Variants in KEAP1 observed in about 807,000 individuals in gnomAD.
KEAP1 encodes kelch-like ECH-associated protein 1.
In KEAP1, 26 loss-of-function variants were observed where a neutral mutation model predicts 59.7. The ratio of observed to expected loss-of-function variants is 0.44; its 90% CI spans 0.32 to 0.60. KEAP1 has a LOEUF of 0.60. Ranked by LOEUF, KEAP1 falls within the 20% of genes least tolerant of loss-of-function variation. The probability of loss-of-function intolerance (pLI) is 0.06; values close to 1 mark genes in which losing one functional copy is unlikely to be tolerated. For missense variants in KEAP1, 539 were observed against 871.4 expected (o/e 0.62, Z 4.80); for synonymous variants, 350 against 358.3 (o/e 0.98, Z 0.26).
At chr19:10,488,612 A>AAAAACAAAACAAAAC (rs201214814) in intron 5 of KEAP1, among the ~76,000 whole-genome samples, 1 of 149,676 alleles carries the variant, frequency 6.7e-6, no homozygotes, top group Non-Finnish European at 1.5e-5. Flanking sequence ...CTCTGTCTCA[A>AAAAACAAAACAAAAC]AAAACAAAAC....
chr19:10,491,703 G>A lies in KEAP1; in HGVS notation c.1199C>T (p.Thr400Ile), dbSNP rs201045511. 117 of 1,572,062 alleles carry A rather than the reference G, an allele frequency of 7.4e-5. No homozygotes were observed. Among genetic ancestry groups the A allele is most frequent in the Non-Finnish European group, 9.7e-5 (112 of 1,159,708 alleles). ...GGGGGCGCAGGGCGACCACTGATTGGTCATGGGGTTGTAACAGTCCAGGGC... is the reference window on the plus strand; with the variant it reads ...GGGGGCGCAGGGCGACCACTGATTGATCATGGGGTTGTAACAGTCCAGGGC... ...SSALDCYNPM[T>I]NQWSPCAPMS... Residue 400 changes from threonine (T) to isoleucine (I), a missense_variant, in exon 3 of 6, where the codon ACC (threonine) becomes ATC (isoleucine). Physicochemically the swap from Thr to Ile is moderately conservative, Grantham distance 89 (BLOSUM62 -1). This residue lies in a region of KEAP1 where 311 missense variants were observed against 425.2 expected (regional missense o/e 0.73). Coordinates refer to ENST00000171111, the MANE Select transcript of KEAP1 (RefSeq NM_203500.2). This position sits in a 1 kb window ranked among gnomAD's most constrained non-coding sequence, Gnocchi z 5.2.
intron 5 of KEAP1, among the ~76,000 whole-genome samples, chr19:10,488,287 C>CA (rs1046904885): frequency 6.6e-6 from 1 of 150,808 alleles, no homozygotes; most frequent in Non-Finnish European, 1.5e-5. Flanking sequence ...AACTCTGTCT[C>CA]AAAAAAATAA....
intron 2 of KEAP1, among the ~76,000 whole-genome samples, chr19:10,498,629 C>T (rs1914936210): frequency 1.3e-5 from 2 of 152,170 alleles, no homozygotes; most frequent in Admixed American, 1.3e-4. Flanking sequence ...TTACAGCTTG[C>T]AGCCTGTCAC....
chr19:10,499,725 G>A lies in KEAP1; in HGVS notation c.309C>T (p.Ser103=), dbSNP rs1329520737. ...FMAHKVVLAS[S]SPVFKAMFTN... ...TGAACATGGCCTTGAAGACAGGGCT[G>A]GATGAGGCCAGCACCACCTTGTGGG... is the stretch of plus-strand genomic sequence containing the variant. The change falls in exon 2 of 6, where the codon TCC becomes TCT. Residue 103 remains serine (S), a synonymous_variant. Coordinates refer to ENST00000171111, the MANE Select transcript of KEAP1 (RefSeq NM_203500.2). This position sits in a 1 kb window ranked among gnomAD's most constrained non-coding sequence, Gnocchi z 6.7. 1.2e-6 allele frequency: 2 copies of A among 1,614,056 alleles called. No individual in the cohort carries two copies. Among genetic ancestry groups the A allele is most frequent in the Non-Finnish European group, 1.7e-6 (2 of 1,180,056 alleles).
Position 10,486,489 on chromosome 19 carries a change from T to G in KEAP1, c.*163A>C. The stretch of plus-strand genomic sequence containing the variant: ...CGCTGAGGGGCACATGATTCCCGCT[T>G]TGGACTTCTTTTGAGATGTCATTTT... On this transcript the variant is annotated 3_prime_UTR_variant, in exon 6 of 6. Coordinates refer to ENST00000171111, the MANE Select transcript of KEAP1 (RefSeq NM_203500.2). 1.3e-6 allele frequency: 1 copy of G among 740,800 alleles called. No homozygotes were observed. The highest frequency in any genetic ancestry group is 2.3e-6 in the Non-Finnish European group (1 of 440,330). 45.9% of individuals were successfully genotyped at this position (740,800 alleles called of 1,614,324 possible).
intron 2 of KEAP1, among the ~76,000 whole-genome samples, chr19:10,494,071 C>T (rs1336700136): frequency 2.6e-5 from 4 of 151,622 alleles, no homozygotes; most frequent in South Asian, 4.2e-4. Context: ...CCTCCTGAGT[C>T]GCTGGGACTA....
At chr19:10,495,306 C>G (rs566079471) in intron 2 of KEAP1, among the ~76,000 whole-genome samples, 14 of 152,178 alleles carry the variant, frequency 9.2e-5, no homozygotes, top group Non-Finnish European at 1.6e-4. Flanking sequence ...GCCAACTCAC[C>G]CATCTTGTTT....
chr19:10,492,983 C>T (rs1599485346), intron 2 of KEAP1, among the ~76,000 whole-genome samples: 1 of 150,040 alleles, frequency 6.7e-6, no homozygotes, highest in African/African-American at 2.5e-5. Flanking sequence ...CACCATGCCC[C>T]GTTAATTTTT....
At chr19:10,497,701 A>G (rs1188411997) in intron 2 of KEAP1, among the ~76,000 whole-genome samples, 3 of 152,198 alleles carry the variant, frequency 2.0e-5, no homozygotes, top group Non-Finnish European at 4.4e-5. Context: ...TCTCAGCAAC[A>G]TAGCAAGACC....
chr19:10,489,114 A>AAC, intron 5 of KEAP1, 78 bp downstream of exon 5: 2 of 1,126,484 alleles, frequency 1.8e-6, no homozygotes, highest in East Asian at 5.2e-5. Flanking sequence ...AAAAAAAAAA[A>AAC]AAAAAAGGAA....
chr19:10,494,719 G>A (rs1203472025), intron 2 of KEAP1, among the ~76,000 whole-genome samples: 5 of 142,810 alleles, frequency 3.5e-5, no homozygotes, highest in South Asian at 4.5e-4. Flanking sequence ...GCAGTGGCAC[G>A]ATCTTGCCTC....
Position 10,489,307 on chromosome 19 carries a change from C to T in KEAP1, c.1593G>A (p.Leu531=), listed in dbSNP as rs1914588432. The T allele has an allele frequency of 6.2e-7, 1 of 1,614,050 alleles. No individual in the cohort carries two copies. Among genetic ancestry groups the T allele is most frequent in the Non-Finnish European group, 8.5e-7 (1 of 1,180,006 alleles). ...CCACATCGTAGCGCTCCACGCTGTT[C>T]AGCTGGTCCTGACCATCATAGCCCC... ...AAGGYDGQDQ[L]NSVERYDVET... The change falls in exon 5 of 6, where the codon CTG becomes CTA. Residue 531 remains leucine, a synonymous_variant. Transcript: ENST00000171111.
chr19:10,498,102 G>A (rs2144620518), intron 2 of KEAP1, among the ~76,000 whole-genome samples: 1 of 151,480 alleles, frequency 6.6e-6, no homozygotes, highest in East Asian at 1.9e-4. Context: ...GTTTCTCCAT[G>A]TTGGTCAGGC....
In KEAP1 at chr19:10,491,984, C is replaced by T. The variant is rs2144601974; in HGVS notation, c.918G>A (p.Glu306=). 6.2e-7 allele frequency: 1 copy of T among 1,614,080 alleles called. No homozygotes were observed. The highest frequency in any genetic ancestry group is 8.5e-7 in the Non-Finnish European group (1 of 1,180,040). The change falls in exon 3 of 6, where the codon GAG becomes GAA. Residue 306 remains glutamate (E), a synonymous_variant. Transcript: ENST00000171111. The surrounding 1 kb of genome is among the most constrained non-coding windows in gnomAD (Gnocchi z 5.2). ...GCGTGGGCTTGTGCAGGGTGAGCTC[C>T]TCGAAGATCTTGACCAGGTAGTCCT... ...RCKDYLVKIF[E]ELTLHKPTQV... is the part of the protein sequence containing the mutation.
In KEAP1 at chr19:10,499,947, G is replaced by C. The variant is rs746477922; in HGVS notation, c.87C>G (p.Asp29Glu). The C allele has an allele frequency of 1.2e-6, 2 of 1,608,492 alleles. No homozygotes were observed. Among genetic ancestry groups the C allele is most frequent in the Non-Finnish European group, 1.7e-6 (2 of 1,176,394 alleles). Residue 29 changes from aspartate (D) to glutamate (E), a missense_variant, in exon 2 of 6, where the codon GAC becomes GAG. Physicochemically the swap from Asp to Glu is conservative, Grantham distance 45. Transcript: ENST00000171111. This position sits in a 1 kb window ranked among gnomAD's most constrained non-coding sequence, Gnocchi z 6.7. ...ACTCAGTGGAGGCGTACATCACCGC[G>C]TCCCCTGCCCCCTCAGGGCACTGTG... The part of the protein sequence containing the change: ...LQSQCPEGAG[D>E]AVMYASTECK...
At chr19:10,498,781 T>C (rs1465478417) in intron 2 of KEAP1, among the ~76,000 whole-genome samples, 2 of 151,966 alleles carry the variant, frequency 1.3e-5, no homozygotes, top group Non-Finnish European at 2.9e-5. Context: ...CTTCCCCAGC[T>C]GTTCACCAGT....
At chr19:10,488,897 C>T (rs1320869911) in intron 5 of KEAP1, among the ~76,000 whole-genome samples, 1 of 151,822 alleles carries the variant, frequency 6.6e-6, no homozygotes, top group African/African-American at 2.4e-5. Flanking sequence ...TGCCATTGCA[C>T]TCCAGCCTGG....
intron 1 of KEAP1, among the ~76,000 whole-genome samples, chr19:10,501,805 C>G (rs775258739): frequency 2.6e-4 from 40 of 152,068 alleles, no homozygotes; most frequent in African/African-American, 9.2e-4. Context: ...CTCGACCTCC[C>G]AAAATGCTGG....
rs1023362212 is a variant in KEAP1 at position 10,499,402 on chromosome 19, A to G, written c.632T>C (p.Phe211Ser). ...QRAREYIYMH[F>S]GEVAKQEEFF... ...CCCCACTTCCCCGCTCACCTCCCCA[A>G]AATGCATGTAGATGTACTCCCGGGC... Residue 211 changes from phenylalanine (F) to serine (S), a missense_variant, in exon 2 of 6, where the codon TTT (phenylalanine) becomes TCT (serine). Around this residue, in one of 4 missense-constraint regions of KEAP1, gnomAD observed 166 missense variants for 295.8 expected, o/e 0.56. Transcript: ENST00000171111. This position sits in a 1 kb window ranked among gnomAD's most constrained non-coding sequence, Gnocchi z 6.7. The G allele has an allele frequency of 3.8e-6, 6 of 1,598,942 alleles. No homozygotes were observed. Among genetic ancestry groups the G allele is most frequent in the Non-Finnish European group, 5.1e-6 (6 of 1,173,224 alleles).
Sources: gnomAD v4.1 joint callset for allele counts (sites outside exome capture counted in the v4.1 genomes callset) on GRCh38, gnomAD v4.1.1 for gene constraint, gnomAD v4.1.1 regional missense constraint, Gnocchi (gnomAD v3.1) non-coding constraint, MANE v1.5 for transcripts, NCBI Gene and HGNC (gene_info 2026-07-23, HGNC 2026-07-21) for gene names.